The following FBXO4 variants were observed in gnomAD, a reference collection of about 807,000 sequenced individuals.
FBXO4 encodes F-box protein 4, also known as F-box only protein 4.
In FBXO4, 36 loss-of-function variants were observed where a neutral mutation model predicts 43.7. The ratio of observed to expected loss-of-function variants is 0.82; its 90% CI spans 0.63 to 1.09. The LOEUF (loss-of-function observed/expected upper bound fraction) is 1.09, where lower values mean the gene tolerates loss of function less well. Among genes scored for constraint, FBXO4 ranks in the 50% least tolerant of loss-of-function variants. FBXO4 has a pLI of 0.00. For missense variants in FBXO4, 435 were observed against 474.1 expected (o/e 0.92, Z 0.77); for synonymous variants, 180 against 165.6 (o/e 1.09, Z -0.67).
the FBXO4 span, among the ~76,000 whole-genome samples, chr5:42,025,861 G>A: frequency 6.6e-6 from 1 of 151,574 alleles, no homozygotes; most frequent in South Asian, 2.1e-4. Context: ...AGGTGTGCAG[G>A]TTTATTTCTG....
chr5:42,040,270 T>A, the FBXO4 span, among the ~76,000 whole-genome samples: 3 of 152,106 alleles, frequency 2.0e-5, no homozygotes, highest in Non-Finnish European at 4.4e-5. Flanking sequence ...GTTTTTATTT[T>A]CTTTCCCCAC....
chr5:41,987,711 T>C, the FBXO4 span, among the ~76,000 whole-genome samples: 1 of 152,214 alleles, frequency 6.6e-6, no homozygotes, highest in Non-Finnish European at 1.5e-5. Flanking sequence ...ACCATCTTCC[T>C]GTAATTGAAA....
the FBXO4 span, chr5:41,951,540 CT>C: frequency 7.7e-6 from 2 of 259,866 alleles, no homozygotes; most frequent in Non-Finnish European, 1.5e-5. Context: ...TTGGTCACAG[CT>C]TTTTCAGCAG....
the FBXO4 span, among the ~76,000 whole-genome samples, chr5:41,964,595 T>TC: frequency 6.6e-6 from 1 of 151,580 alleles, no homozygotes; most frequent in South Asian, 2.1e-4. Flanking sequence ...GCCAAGTGTT[T>TC]TTTTTTTTTT....
At chr5:41,999,492 T>C in the FBXO4 span, among the ~76,000 whole-genome samples, 75 of 52,658 alleles carry the variant, frequency 1.4e-3, 2 homozygotes, top group African/African-American at 3.6e-3. Context: ...TATATATATA[T>C]ACATATATAT....
the FBXO4 span, among the ~76,000 whole-genome samples, chr5:41,954,300 A>G: frequency 2.0e-5 from 3 of 152,220 alleles, no homozygotes; most frequent in African/African-American, 7.2e-5. Context: ...TATTTTAAAG[A>G]GTAAAAACTT....
chr5:42,033,202 C>T, the FBXO4 span, among the ~76,000 whole-genome samples: 2 of 152,080 alleles, frequency 1.3e-5, no homozygotes, highest in East Asian at 3.9e-4. Context: ...GTGATGTCAG[C>T]ACTCCTTTAG....
chr5:41,933,326 C>CT (rs1396282760), intron 3 of FBXO4, among the ~76,000 whole-genome samples: 1 of 152,158 alleles, frequency 6.6e-6, no homozygotes, highest in Non-Finnish European at 1.5e-5. Context: ...AGTGATCCTC[C>CT]TACCTCAGCC....
At chr5:41,974,868 C>A in the FBXO4 span, among the ~76,000 whole-genome samples, 1 of 152,010 alleles carries the variant, frequency 6.6e-6, no homozygotes, top group Non-Finnish European at 1.5e-5. Flanking sequence ...AGTCATGTTA[C>A]GTAGGAAATA....
chr5:42,016,033 G>T, the FBXO4 span, among the ~76,000 whole-genome samples: 1 of 152,130 alleles, frequency 6.6e-6, no homozygotes, highest in Non-Finnish European at 1.5e-5. Context: ...GTTAAGTCTT[G>T]TGAAGGGAGA....
At chr5:41,928,352 T>C (rs1751575065) in intron 2 of FBXO4, among the ~76,000 whole-genome samples, 1 of 151,534 alleles carries the variant, frequency 6.6e-6, no homozygotes, top group South Asian at 2.1e-4. Context: ...TTTTTTTTTT[T>C]GAGACGGAGT....
chr5:41,936,396 T>TG (rs1188690957), intron 5 of FBXO4, among the ~76,000 whole-genome samples: 2 of 151,992 alleles, frequency 1.3e-5, no homozygotes, highest in African/African-American at 4.8e-5. Flanking sequence ...TAGCCAGGCA[T>TG]GGTGGCACGT....
At chr5:42,034,196 C>T in the FBXO4 span, among the ~76,000 whole-genome samples, 6 of 151,934 alleles carry the variant, frequency 3.9e-5, no homozygotes, top group Admixed American at 6.6e-5. Flanking sequence ...CCTTTGCCTG[C>T]TTTGTGATGG....
At chr5:41,954,298 A>G in the FBXO4 span, among the ~76,000 whole-genome samples, 1 of 152,248 alleles carries the variant, frequency 6.6e-6, no homozygotes, top group African/African-American at 2.4e-5. Context: ...AATATTTTAA[A>G]GAGTAAAAAC....
chr5:41,997,076 G>A, the FBXO4 span, among the ~76,000 whole-genome samples: 1 of 152,222 alleles, frequency 6.6e-6, no homozygotes, highest in African/African-American at 2.4e-5. Flanking sequence ...TGTACTGCTG[G>A]CCTTGCCAGT....
At chr5:42,027,963 T>C in the FBXO4 span, among the ~76,000 whole-genome samples, 1 of 151,958 alleles carries the variant, frequency 6.6e-6, no homozygotes, top group African/African-American at 2.4e-5. Flanking sequence ...TGGTCTATCA[T>C]TGAGAATGAC....
At position 41,927,146 on chromosome 5, in the gene FBXO4, C is replaced by T; in HGVS notation, c.323C>T (p.Pro108Leu). 1.2e-6 allele frequency: 2 copies of T among 1,613,818 alleles called. No individual in the cohort carries two copies. The change falls in exon 2 of 7, where the codon CCT becomes CTT. Residue 108 changes from proline (P) to leucine (L), a missense_variant. Physicochemically the swap from Pro to Leu is moderately conservative, Grantham distance 98 (BLOSUM62 -3). Transcript: ENST00000281623. ...LWRYFLLRDLPSWSSVDWKSL... is the reference protein window; with the variant it reads ...LWRYFLLRDLLSWSSVDWKSL... ...AGATACTTTTTGTTGAGGGATCTTC[C>T]TTCTTGGTCTTCTGTTGACTGGAAG...
the FBXO4 span, chr5:41,968,350 G>T: frequency 6.5e-6 from 1 of 153,876 alleles, no homozygotes; most frequent in South Asian, 1.8e-4. Flanking sequence ...GCTGACATGA[G>T]GGAAGTCGCA....
the FBXO4 span, among the ~76,000 whole-genome samples, chr5:41,962,021 C>G: frequency 6.6e-6 from 1 of 152,140 alleles, no homozygotes; most frequent in African/African-American, 2.4e-5. Context: ...TATTTTTGCT[C>G]CACTCTGTTG....
Sources: allele counts gnomAD v4.1 joint callset (sites outside exome capture counted in the v4.1 genomes callset), GRCh38; gene constraint gnomAD v4.1.1; transcripts MANE v1.5; gene names NCBI Gene and HGNC (gene_info 2026-07-23, HGNC 2026-07-21).